The following HPGDS variants were observed in gnomAD, a reference collection of about 807,000 sequenced individuals.
HPGDS encodes hematopoietic prostaglandin D synthase, also known as GST class-sigma.
Under a neutral mutation model 23.1 loss-of-function variants are expected in HPGDS, and 26 were observed. The ratio of observed to expected loss-of-function variants is 1.13; its 90% CI spans 0.83 to 1.56. HPGDS has a LOEUF of 1.56. Among genes scored for constraint, HPGDS ranks in the 40% most tolerant of loss-of-function variants. The pLI is 0.00. For synonymous variants in HPGDS, 95 were observed against 77.9 expected, an observed-to-expected ratio of 1.22 and a Z score of -1.16; for missense variants, 268 against 236.4, an observed-to-expected ratio of 1.13 and a Z score of -0.88.
intron 3 of HPGDS, among the ~76,000 whole-genome samples, chr4:94,315,709 G>T (rs138872388): frequency 6.6e-6 from 1 of 152,100 alleles, no homozygotes; most frequent in Non-Finnish European, 1.5e-5. Flanking sequence ...TGTTAAAATC[G>T]AAAGAAAATT....
intron 4 of HPGDS, 114 bp downstream of exon 4, chr4:94,308,520 T>C (rs1439931330): frequency 1.9e-6 from 1 of 526,088 alleles, no homozygotes; most frequent in African/African-American, 1.9e-5. Flanking sequence ...TATAATTTGG[T>C]ATTTTAAAAT....
chr4:94,323,859 T>C (rs1579442355), intron 2 of HPGDS, among the ~76,000 whole-genome samples: 1 of 152,242 alleles, frequency 6.6e-6, no homozygotes, highest in Non-Finnish European at 1.5e-5. Flanking sequence ...CTTGCATTGA[T>C]GGTCTTTACA....
intron 1 of HPGDS, among the ~76,000 whole-genome samples, chr4:94,340,399 C>T (rs1200642369): frequency 1.6e-5 from 2 of 121,830 alleles, no homozygotes; most frequent in Non-Finnish European, 3.2e-5. Flanking sequence ...AGTGCAGTGG[C>T]GTGATCTCCA....
chr4:94,339,087 G>T (rs533746050), intron 1 of HPGDS, among the ~76,000 whole-genome samples: 5 of 152,186 alleles, frequency 3.3e-5, no homozygotes, highest in Non-Finnish European at 7.4e-5. Flanking sequence ...ACTGAAACTA[G>T]ACTAAAATGG....
At chr4:94,335,180 G>A (rs1415679866) in intron 1 of HPGDS, among the ~76,000 whole-genome samples, 1 of 152,110 alleles carries the variant, frequency 6.6e-6, no homozygotes, top group African/African-American at 2.4e-5. Context: ...CCAAGGCCTA[G>A]GGAAACACTG....
At chr4:94,309,683 T>C (rs940750666) in intron 3 of HPGDS, among the ~76,000 whole-genome samples, 4 of 151,868 alleles carry the variant, frequency 2.6e-5, no homozygotes, top group African/African-American at 9.7e-5. Context: ...TTTCTAGTTC[T>C]AGATCCCTGA....
Position 94,324,293 on chromosome 4 carries a change from T to C in HPGDS, c.134-6328A>G, listed in dbSNP as rs538527739. 5.3e-5 allele frequency among the ~76,000 whole-genome samples: 8 copies of C among 152,304 alleles called. No homozygotes were observed. The South Asian group carries it at 1.2e-3, about 24-fold the overall frequency. On this transcript the variant is annotated intron_variant, in intron 2 of 5. Transcript: ENST00000295256. ...GTGGTGTTCTCTGTATTTCCTGAAT[T>C]TGCATGTTGGCCTGTCTTGCTAGGT...
intron 2 of HPGDS, among the ~76,000 whole-genome samples, chr4:94,325,992 T>A: frequency 6.6e-6 from 1 of 151,814 alleles, no homozygotes; most frequent in South Asian, 2.1e-4. Context: ...TTTTTTTTTT[T>A]CAGCACTTTG....
chr4:94,302,045 T>C (rs1405550340), intron 5 of HPGDS, 101 bp downstream of exon 5: 2 of 617,902 alleles, frequency 3.2e-6, no homozygotes, highest in African/African-American at 3.8e-5. Context: ...CTGTAAATTC[T>C]ATCCCCTCCC....
rs569067571 is a variant in HPGDS, at chr4:94,309,204, T to C, written c.227-461A>G. On this transcript the variant is annotated intron_variant, in intron 3 of 5. Coordinates refer to ENST00000295256, the MANE Select transcript of HPGDS (RefSeq NM_014485.3). ...GTTACATATGTATACATGTGCCATGTTGGTGTGCTGCACCCATTAACTCGT... is the reference window on the plus strand; with the variant it reads ...GTTACATATGTATACATGTGCCATGCTGGTGTGCTGCACCCATTAACTCGT... Among the ~76,000 whole-genome samples the C allele has an allele frequency of 4.1e-4, 63 of 151,882 alleles. No homozygotes were observed. In the South Asian group the frequency reaches 0.011, roughly 27 times the overall value.
intron 1 of HPGDS, among the ~76,000 whole-genome samples, chr4:94,339,927 C>T (rs1321992963): frequency 1.3e-5 from 2 of 152,094 alleles, no homozygotes; most frequent in East Asian, 1.9e-4. Flanking sequence ...CTGGTTCTGT[C>T]TTGCCTGCTG....
At position 94,313,266 on chromosome 4, in the gene HPGDS, G is replaced by T. The variant is rs150415875; in HGVS notation, c.227-4523C>A. Among the ~76,000 whole-genome samples the T allele has an allele frequency of 5.6e-3, 849 of 152,180 alleles. 4 individuals carry two copies. The highest frequency in any genetic ancestry group is 0.019 in the African/African-American group (792 of 41,510). On this transcript the variant is annotated intron_variant, in intron 3 of 5. Coordinates refer to ENST00000295256, the MANE Select transcript of HPGDS (RefSeq NM_014485.3). ...TTTACAATTTGGCATGTTTTTGCAGGGGCTGGTACTGGTTGTTCCATTCCA... is the reference window on the plus strand; with the variant it reads ...TTTACAATTTGGCATGTTTTTGCAGTGGCTGGTACTGGTTGTTCCATTCCA...
At chr4:94,328,368 AT>A (rs899153832) in intron 2 of HPGDS, among the ~76,000 whole-genome samples, 3 of 152,226 alleles carry the variant, frequency 2.0e-5, no homozygotes, top group African/African-American at 7.2e-5. Context: ...GCCCCACTTC[AT>A]TTTGATGAGG....
chr4:94,339,902 C>T (rs1221294021), intron 1 of HPGDS, among the ~76,000 whole-genome samples: 1 of 152,008 alleles, frequency 6.6e-6, no homozygotes, highest in Non-Finnish European at 1.5e-5. Context: ...AAGGGATTTC[C>T]CCTTTAACTT....
At chr4:94,332,489 G>C (rs1297595659) in intron 2 of HPGDS, among the ~76,000 whole-genome samples, 3 of 152,240 alleles carry the variant, frequency 2.0e-5, no homozygotes, top group African/African-American at 7.2e-5. Flanking sequence ...AGAGAGCATT[G>C]TAACATGCCT....
At chr4:94,317,805 T>C (rs1390984490) in intron 3 of HPGDS, 68 bp downstream of exon 3, 5 of 881,888 alleles carry the variant, frequency 5.7e-6, no homozygotes, top group Non-Finnish European at 9.3e-6. Flanking sequence ...AGTCATTTAA[T>C]GAATATTGAA....
intron 2 of HPGDS, among the ~76,000 whole-genome samples, chr4:94,327,639 G>A (rs1756660285): frequency 6.6e-6 from 1 of 152,168 alleles, no homozygotes; most frequent in African/African-American, 2.4e-5. Flanking sequence ...GCTGTCTGTG[G>A]CAACAGCCCC....
intron 1 of HPGDS, among the ~76,000 whole-genome samples, chr4:94,340,305 C>CTT (rs781532046): frequency 1.5e-4 from 4 of 26,198 alleles, no homozygotes; most frequent in South Asian, 1.9e-3. Context: ...TTCTTTCTTT[C>CTT]TTTCTCTTTT....
At chr4:94,318,669 A>T (rs1018976959) in intron 2 of HPGDS, among the ~76,000 whole-genome samples, 1 of 152,174 alleles carries the variant, frequency 6.6e-6, no homozygotes, top group Non-Finnish European at 1.5e-5. Context: ...CATATGGCCC[A>T]TCCTGTGTGC....
Sources: gnomAD v4.1 joint callset for allele counts (sites outside exome capture counted in the v4.1 genomes callset) on GRCh38, gnomAD v4.1.1 for gene constraint, MANE v1.5 for transcripts, NCBI Gene and HGNC (gene_info 2026-07-23, HGNC 2026-07-21) for gene names.